Variants in NSMCE1 observed in about 807,000 individuals in gnomAD.
NSMCE1 encodes non-structural maintenance of chromosomes element 1 homolog.
A neutral mutation model predicts 29.6 loss-of-function variants in NSMCE1; 18 were observed. The ratio of observed to expected loss-of-function variants is 0.61; its 90% CI spans 0.42 to 0.90. The LOEUF is 0.90. Ranked by LOEUF, NSMCE1 falls within the 40% of genes least tolerant of loss-of-function variation. The pLI, the probability that NSMCE1 is intolerant of heterozygous loss-of-function variation, is 0.00. For missense variants in NSMCE1, 314 were observed against 343.6 expected, an observed-to-expected ratio of 0.91 and a Z score of 0.68; for synonymous variants, 124 against 133.4, an observed-to-expected ratio of 0.93 and a Z score of 0.49.
chr16:27,235,363 G>A, intron 2 of NSMCE1, 64 bp from the exon 3 acceptor site: 1 of 1,580,000 alleles, frequency 6.3e-7, no homozygotes, highest in Admixed American at 1.7e-5. Flanking sequence ...AATGTAGCTT[G>A]CTTGAATCAT....
intron 2 of NSMCE1, among the ~76,000 whole-genome samples, chr16:27,245,648 T>C (rs2083947468): frequency 6.6e-6 from 1 of 152,228 alleles, no homozygotes; most frequent in South Asian, 2.1e-4. Context: ...CAAAGATTCC[T>C]GTCTAAGCAC....
chr16:27,235,507 G>A (rs531475351), intron 2 of NSMCE1, among the ~76,000 whole-genome samples: 5 of 152,294 alleles, frequency 3.3e-5, no homozygotes, highest in African/African-American at 1.2e-4. Context: ...CAGATGGAGG[G>A]CGTTGTGAGG....
chr16:27,244,925 G>A (rs1046642529), intron 2 of NSMCE1, among the ~76,000 whole-genome samples: 1 of 152,194 alleles, frequency 6.6e-6, no homozygotes, highest in African/African-American at 2.4e-5. Flanking sequence ...TGGTGACCAT[G>A]CTTTGTGAAT....
intron 2 of NSMCE1, among the ~76,000 whole-genome samples, chr16:27,248,265 C>T (rs1777372518): frequency 2.0e-5 from 3 of 152,184 alleles, no homozygotes; most frequent in East Asian, 1.9e-4. Context: ...TCCTAAATGG[C>T]TGTCCCATTT....
At chr16:27,249,633 T>G (rs4468629) in intron 2 of NSMCE1, among the ~76,000 whole-genome samples, 2,913 of 152,326 alleles carry the variant, frequency 0.019, 40 homozygotes, top group African/African-American at 0.038. Context: ...CATCTGTTTG[T>G]CCATCATGAC....
chr16:27,250,628 C>G (rs1055652016), intron 2 of NSMCE1, among the ~76,000 whole-genome samples: 7 of 151,484 alleles, frequency 4.6e-5, no homozygotes, highest in Non-Finnish European at 2.9e-5. Flanking sequence ...CCCACCTCTA[C>G]TAAAAATAAC....
In NSMCE1 at chr16:27,225,175, C is replaced by T; in HGVS notation, c.783G>A (p.Leu261=). Residue 261 remains leucine (L), a synonymous_variant, in exon 8 of 8, where the codon CTG becomes CTA. Coordinates refer to ENST00000361439, the MANE Select transcript of NSMCE1 (RefSeq NM_145080.4). ...ACGATGGCTAATGCTGCCTGGACCGCAGGGACTTTTTGTTCGATTTCAAGA... is the reference window on the plus strand; with the variant it reads ...ACGATGGCTAATGCTGCCTGGACCGTAGGGACTTTTTGTTCGATTTCAAGA... ...SGVLKSNKKS[L]RSRQH The T allele has an allele frequency of 3.1e-6, 5 of 1,603,984 alleles. No homozygotes were observed. The highest frequency in any genetic ancestry group is 4.3e-6 in the Non-Finnish European group (5 of 1,173,830).
chr16:27,226,654 TACC>T, intron 6 of NSMCE1, 63 bp downstream of exon 6: 1 of 1,026,242 alleles, frequency 9.7e-7, no homozygotes, highest in South Asian at 1.4e-5. Flanking sequence ...TTCCGGGAAG[TACC>T]TGTACAGAGC....
At position 27,232,602 on chromosome 16, in the gene NSMCE1, A is replaced by G. The variant is rs2083773737; in HGVS notation, c.483+399T>C. 1.3e-5 allele frequency among the ~76,000 whole-genome samples: 2 copies of G among 152,040 alleles called. No homozygotes were observed. Among genetic ancestry groups the G allele is most frequent in the Admixed American group, 6.5e-5 (1 of 15,268 alleles). On this transcript the variant is annotated intron_variant, in intron 5 of 7. Coordinates refer to ENST00000361439, the MANE Select transcript of NSMCE1 (RefSeq NM_145080.4). The surrounding 1 kb of genome is among the most constrained non-coding windows in gnomAD (Gnocchi z 4.5). Reference sequence around the variant, plus strand: ...ACACACCCAGCCCCGAAGGGGAAACAACGACTCCCCTCTTACAAGGAACAT... The same window carrying G: ...ACACACCCAGCCCCGAAGGGGAAACGACGACTCCCCTCTTACAAGGAACAT...
chr16:27,261,377 C>T (rs2084156023), intron 1 of NSMCE1, among the ~76,000 whole-genome samples: 1 of 150,712 alleles, frequency 6.6e-6, no homozygotes, highest in Non-Finnish European at 1.5e-5. Flanking sequence ...TATAAACAAA[C>T]AATATTTGAA....
intron 2 of NSMCE1, among the ~76,000 whole-genome samples, chr16:27,245,147 GCGCTGAACATACATTCCCT>G (rs1180614950): frequency 1.3e-5 from 2 of 152,212 alleles, no homozygotes; most frequent in Non-Finnish European, 2.9e-5. Flanking sequence ...TCTGTGCCAG[GCGCTGAACATACATTCCCT>G]TGCTTAATCC....
At chr16:27,237,401 G>A (rs527888767) in intron 2 of NSMCE1, among the ~76,000 whole-genome samples, 9 of 152,294 alleles carry the variant, frequency 5.9e-5, no homozygotes, top group African/African-American at 1.2e-4. Flanking sequence ...TTCTGCCCCC[G>A]GTGCTGTCTT....
At chr16:27,245,134 C>A (rs1190534548) in intron 2 of NSMCE1, among the ~76,000 whole-genome samples, 1 of 152,236 alleles carries the variant, frequency 6.6e-6, no homozygotes, top group Non-Finnish European at 1.5e-5. Flanking sequence ...TGCCCACAAG[C>A]ACTCTGTGCC....
chr16:27,268,479 G>A (rs929330128), intron 1 of NSMCE1: 1 of 152,182 alleles, frequency 6.6e-6, no homozygotes, highest in African/African-American at 2.4e-5. Context: ...TGTTGCGGGA[G>A]GACATCCCAG....
intron 2 of NSMCE1, among the ~76,000 whole-genome samples, chr16:27,238,226 C>T (rs138108237): frequency 1.3e-5 from 2 of 152,188 alleles, no homozygotes; most frequent in African/African-American, 2.4e-5. Flanking sequence ...GCCTCTCCCC[C>T]ACTTCTCATC....
intron 7 of NSMCE1, 58 bp downstream of exon 7, chr16:27,225,668 C>A: frequency 6.2e-7 from 1 of 1,605,232 alleles, no homozygotes. Context: ...TTCCCTGGCA[C>A]CAGGCCCCAC....
rs766825143 is a variant in NSMCE1, at chr16:27,232,925, A to C, written c.483+76T>G. The C allele has an allele frequency of 1.1e-5, 16 of 1,506,428 alleles. No homozygotes were observed. The highest frequency in any genetic ancestry group is 1.5e-5 in the Non-Finnish European group (16 of 1,096,904). The allele number at this position is 1,506,428 out of a possible 1,614,324, so 93.3% of individuals were successfully genotyped here. ...CGGGCTCCTCAGACATCAGTTGGCT[A>C]CAAGTACGATTTTGGAGAAAAAACT... On this transcript the variant is annotated intron_variant, in intron 5 of 7. Coordinates refer to ENST00000361439, the MANE Select transcript of NSMCE1 (RefSeq NM_145080.4). The surrounding 1 kb of genome is among the most constrained non-coding windows in gnomAD (Gnocchi z 4.5).
At chr16:27,235,334 CA>C (rs775437655) in intron 2 of NSMCE1, 35 bp from the exon 3 acceptor site, 2 of 1,605,450 alleles carry the variant, frequency 1.2e-6, no homozygotes, top group East Asian at 4.5e-5. Flanking sequence ...GGGGGGTGAC[CA>C]GGGGGCCTCA....
chr16:27,230,090 T>C (rs966667217), intron 5 of NSMCE1, among the ~76,000 whole-genome samples: 7 of 149,468 alleles, frequency 4.7e-5, no homozygotes, highest in Non-Finnish European at 4.5e-5. Context: ...CTGGGGTGTA[T>C]GGAGGTGCGC....
Sources: allele counts gnomAD v4.1 joint callset (sites outside exome capture counted in the v4.1 genomes callset), GRCh38; gene constraint gnomAD v4.1.1; non-coding constraint Gnocchi (gnomAD v3.1); transcripts MANE v1.5; gene names NCBI Gene and HGNC (gene_info 2026-07-23, HGNC 2026-07-21).